PCED1A: variants seen among roughly 807,000 people sequenced by gnomAD.
PCED1A encodes the protein PC-esterase domain-containing protein 1A.
Under a neutral mutation model 41.9 loss-of-function variants are expected in PCED1A, and 20 were observed. The ratio of observed to expected loss-of-function variants is 0.48; its 90% CI spans 0.34 to 0.69. The LOEUF is 0.69. Among genes scored for constraint, PCED1A ranks in the 30% least tolerant of loss-of-function variants. The pLI is 0.01. For synonymous variants in PCED1A, 236 were observed against 241.3 expected (o/e 0.98, Z 0.20); for missense variants, 498 against 602.1 (o/e 0.83, Z 1.81).
rs375391439 is a variant in PCED1A, at chr20:2,838,474, T to C, written c.599A>G (p.Gln200Arg). ...CCGCCGCAGGGAGCCTGCCAGGGGC[T>C]GGAGCTAAGTGAGAAAGTGCAGCCT... The part of the protein sequence containing the change: ...ITGGFLLPEL[Q>R]PLAGSLRRDV... The change falls in exon 6 of 8, where the codon CAG (glutamine) becomes CGG (arginine). Residue 200 changes from glutamine (Q) to arginine (R), a missense_variant. Transcript: ENST00000360652. This position sits in a 1 kb window ranked among gnomAD's most constrained non-coding sequence, Gnocchi z 5.8. The C allele has an allele frequency of 2.2e-5, 35 of 1,614,096 alleles. No homozygotes were observed. The African/African-American group carries it at 3.7e-4, about 17-fold the overall frequency.
rs1174280024 is a variant in PCED1A, at chr20:2,838,103, T to C, written c.841+129A>G. ...CTCCTCAGGGGTTGAGGAAGGTGCA[T>C]GCAGAAGCCACAGGAGTCCTTCAAG... On this transcript the variant is annotated intron_variant, in intron 6 of 7. Transcript: ENST00000360652. This position sits in a 1 kb window ranked among gnomAD's most constrained non-coding sequence, Gnocchi z 5.8. 5 of 1,389,232 alleles carry C rather than the reference T, an allele frequency of 3.6e-6. No individual in the cohort carries two copies. In the South Asian group the frequency reaches 3.8e-5, roughly 11 times the overall value. 86.1% of individuals were successfully genotyped at this position (1,389,232 alleles called of 1,614,324 possible).
At chr20:2,839,741 GGC>G in intron 2 of PCED1A, 46 bp downstream of exon 2, 1 of 1,605,728 alleles carries the variant, frequency 6.2e-7, no homozygotes, top group Non-Finnish European at 8.5e-7. Flanking sequence ...ACACTGAACG[GGC>G]TGCAAGGTGT....
At position 2,835,402 on chromosome 20, in the gene PCED1A, G is replaced by C. The variant is rs1185310849; in HGVS notation, c.*60C>G. Reference sequence around the variant, plus strand: ...TAGCAGACACCCTAGCCCAGTACCTGAGGTGCCAGGCAGGCCCTGAAGGGC... The same window carrying C: ...TAGCAGACACCCTAGCCCAGTACCTCAGGTGCCAGGCAGGCCCTGAAGGGC... On this transcript the variant is annotated 3_prime_UTR_variant, in exon 8 of 8. Transcript: ENST00000360652. The C allele has an allele frequency of 6.5e-7, 1 of 1,546,354 alleles. No individual in the cohort carries two copies. The highest frequency in any genetic ancestry group is 8.8e-7 in the Non-Finnish European group (1 of 1,141,306).
intron 2 of PCED1A, 25 bp from the exon 3 acceptor site, chr20:2,839,296 G>T: frequency 1.2e-6 from 2 of 1,610,134 alleles, no homozygotes; most frequent in Non-Finnish European, 8.5e-7. Context: ...AGATCCCAAG[G>T]CTGAGGCAGA....
At chr20:2,835,949 G>A (rs1306386574) in intron 7 of PCED1A, 90 bp downstream of exon 7, 10 of 1,448,316 alleles carry the variant, frequency 6.9e-6, no homozygotes, top group Non-Finnish European at 9.1e-6. Context: ...AGGGGCACAA[G>A]GAGCTACCCA....
intron 7 of PCED1A, 36 bp downstream of exon 7, chr20:2,836,003 G>A: frequency 2.1e-6 from 3 of 1,458,764 alleles, no homozygotes; most frequent in South Asian, 2.9e-5. Flanking sequence ...GGTAAGGGGA[G>A]GTACAAGAGG....
At position 2,838,012 on chromosome 20, in the gene PCED1A, A is replaced by G. The variant is rs1489274707; in HGVS notation, c.841+220T>C. On this transcript the variant is annotated intron_variant, in intron 6 of 7. Coordinates refer to ENST00000360652, the MANE Select transcript of PCED1A (RefSeq NM_022760.6). This position sits in a 1 kb window ranked among gnomAD's most constrained non-coding sequence, Gnocchi z 5.8. ...TACAAGCTCCTTCAAGCACACAGAAATGACTACACAGCCAGACTGTAGAAA... is the reference window on the plus strand; with the variant it reads ...TACAAGCTCCTTCAAGCACACAGAAGTGACTACACAGCCAGACTGTAGAAA... 6.6e-6 allele frequency among the ~76,000 whole-genome samples: 1 copy of G among 152,226 alleles called. No homozygotes were observed. Among genetic ancestry groups the G allele is most frequent in the Admixed American group, 6.5e-5 (1 of 15,286 alleles).
In PCED1A at chr20:2,836,229, G is replaced by A; in HGVS notation, c.927C>T (p.Ala309=). The change falls in exon 7 of 8, where the codon GCC becomes GCT. Residue 309 remains alanine (A), a synonymous_variant. Transcript: ENST00000360652. ...AAGAAGAAGGTGGGGGTGGGAGCAA[G>A]GCCAGGTGCTCCCCGAAGTCTGGGG... is the stretch of plus-strand genomic sequence containing the variant. ...RQTPDFGEHL[A]LLPPPPSSLP... 7 of 1,613,982 alleles carry A rather than the reference G, an allele frequency of 4.3e-6. No individual in the cohort carries two copies. The highest frequency in any genetic ancestry group is 5.9e-6 in the Non-Finnish European group (7 of 1,179,910).
At chr20:2,840,151 G>T (rs3746690) in intron 1 of PCED1A, 60 bp downstream of exon 1, 5 of 407,460 alleles carry the variant, frequency 1.2e-5, no homozygotes, top group Non-Finnish European at 1.7e-5. Flanking sequence ...GCGCCGCCCT[G>T]CGCCTCGCCA....
intron 1 of PCED1A, 82 bp from the exon 2 acceptor site, chr20:2,840,015 C>A: frequency 7.1e-7 from 1 of 1,399,810 alleles, no homozygotes; most frequent in Non-Finnish European, 9.5e-7. Flanking sequence ...CGGGGCTGCT[C>A]AATGCTAAAG....
At position 2,838,410 on chromosome 20, in the gene PCED1A, G is replaced by C; in HGVS notation, c.663C>G (p.Ala221=). 1 of 1,614,200 alleles carries C rather than the reference G, an allele frequency of 6.2e-7. No individual in the cohort carries two copies. Among genetic ancestry groups the C allele is most frequent in the Non-Finnish European group, 8.5e-7 (1 of 1,180,032 alleles). ...CTAGGACATCAAAGCAGTGGTCCCCGGCCAGCGTAGCACTGTAGAAGTTCC... is the reference window on the plus strand; with the variant it reads ...CTAGGACATCAAAGCAGTGGTCCCCCGCCAGCGTAGCACTGTAGAAGTTCC... ...VEGNFYSATL[A]GDHCFDVLDL... Residue 221 remains alanine, a synonymous_variant, in exon 6 of 8, where the codon GCC becomes GCG. Transcript: ENST00000360652. The surrounding 1 kb of genome is among the most constrained non-coding windows in gnomAD (Gnocchi z 5.8).
rs2088948615 is a variant in PCED1A, at chr20:2,840,531, A to T, written c.-342T>A. The T allele has an allele frequency of 1.8e-6, 1 of 561,334 alleles. No individual in the cohort carries two copies. Among genetic ancestry groups the T allele is most frequent in the African/African-American group, 2.0e-5 (1 of 49,454 alleles). 34.8% of individuals were successfully genotyped at this position (561,334 alleles called of 1,614,324 possible). Reference sequence around the variant, plus strand: ...AGCGACCCCCAGTGCCCGAAGGGAAAGCAAGGCGATGGAGGTGGCCGCCAC... The same window carrying T: ...AGCGACCCCCAGTGCCCGAAGGGAATGCAAGGCGATGGAGGTGGCCGCCAC... On this transcript the variant is annotated 5_prime_UTR_variant, in exon 1 of 8. Transcript: ENST00000360652.
chr20:2,840,971 C>G (rs948823918), upstream of PCED1A: 1 of 766,744 alleles, frequency 1.3e-6, no homozygotes, highest in Non-Finnish European at 2.0e-6. Flanking sequence ...CCACTTAGCG[C>G]ACAGCCGCCT....
At chr20:2,840,152 C>A (rs1051541968) in intron 1 of PCED1A, 59 bp downstream of exon 1, 2 of 396,580 alleles carry the variant, frequency 5.0e-6, no homozygotes, top group Non-Finnish European at 8.9e-6. Context: ...CGCCGCCCTG[C>A]GCCTCGCCAC....
Position 2,839,085 on chromosome 20 carries a change from A to AGGGGCCCC in PCED1A, c.205-4_205-3insGGGGCCCC. 2 of 491,522 alleles carry AGGGGCCCC rather than the reference A, an allele frequency of 4.1e-6. No individual in the cohort carries two copies. Among genetic ancestry groups the AGGGGCCCC allele is most frequent in the Non-Finnish European group, 7.0e-6 (2 of 287,706 alleles). 30.4% of individuals were successfully genotyped at this position (491,522 alleles called of 1,614,324 possible). A position where few individuals can be genotyped will look rare whatever the true frequency, so the allele number is the denominator to read the frequency against. Reference sequence around the variant, plus strand: ...TCCTGTTCAAAGCTCAGCTCCCCCTACCCACCCCCCCCACCCTACTGGTCA... The same window carrying AGGGGCCCC: ...TCCTGTTCAAAGCTCAGCTCCCCCTAGGGGCCCCCCCACCCCCCCCACCCTACTGGTCA... On this transcript the variant is annotated splice_region_variant and splice_polypyrimidine_tract_variant and intron_variant, in intron 3 of 7. Transcript: ENST00000360652.
intron 6 of PCED1A, among the ~76,000 whole-genome samples, chr20:2,837,502 C>A (rs945079521): frequency 6.6e-6 from 1 of 152,160 alleles, no homozygotes; most frequent in African/African-American, 2.4e-5. Flanking sequence ...GGAGAAGCAG[C>A]CATGGAGACA....
In PCED1A at chr20:2,840,219, G is replaced by A. The variant is rs1486397820; in HGVS notation, c.-30C>T. ...CCGCTCGCGCCAATTACCAAGTCCC[G>A]GGGCTCCGCGGTGTTCACCCGCGAC... is the stretch of plus-strand genomic sequence containing the variant. On this transcript the variant is annotated 5_prime_UTR_variant, in exon 1 of 8. Transcript: ENST00000360652. 1 of 278,328 alleles carries A rather than the reference G, an allele frequency of 3.6e-6. No homozygotes were observed. Among genetic ancestry groups the A allele is most frequent in the South Asian group, 7.9e-5 (1 of 12,616 alleles). 17.2% of individuals were successfully genotyped at this position (278,328 alleles called of 1,614,324 possible).
chr20:2,839,340 AC>A lies in PCED1A; in HGVS notation c.125-70del, dbSNP rs1461656195. 2.0e-6 allele frequency: 3 copies of A among 1,477,872 alleles called. No individual in the cohort carries two copies. The Admixed American group carries it at 5.3e-5, about 26-fold the overall frequency. The allele number at this position is 1,477,872 out of a possible 1,614,324, so 91.5% of individuals were successfully genotyped here. A position where few individuals can be genotyped will look rare whatever the true frequency, so the allele number is the denominator to read the frequency against. On this transcript the variant is annotated intron_variant, in intron 2 of 7. Transcript: ENST00000360652. ...TGCCCCAGCTCCTTCCAAGTCCAGGACCCCATTTTCCCAGGGCTGAGGTGCC... is the reference window on the plus strand; with the variant it reads ...TGCCCCAGCTCCTTCCAAGTCCAGGACCCATTTTCCCAGGGCTGAGGTGCC...
upstream of PCED1A, chr20:2,840,955 C>T (rs2297047): frequency 0.16 from 142,482 of 907,542 alleles, 14,465 homozygotes; most frequent in African/African-American, 0.45. Flanking sequence ...TCTCCCCGAG[C>T]GTCTGCCACT....
Sources: allele counts gnomAD v4.1 joint callset (sites outside exome capture counted in the v4.1 genomes callset), GRCh38; gene constraint gnomAD v4.1.1; non-coding constraint Gnocchi (gnomAD v3.1); transcripts MANE v1.5; gene names NCBI Gene and HGNC (gene_info 2026-07-23, HGNC 2026-07-21).